EML1: variants seen among roughly 807,000 people sequenced by gnomAD.
The protein encoded by EML1 is echinoderm microtubule-associated protein-like 1.
Under a neutral mutation model 110.4 loss-of-function variants are expected in EML1, and 27 were observed. The observed-to-expected ratio is 0.24, with a 90% CI of 0.18 to 0.34. EML1 has a LOEUF of 0.34. EML1 is among the 10% of genes least tolerant of loss of function. The pLI, the probability that EML1 is intolerant of heterozygous loss-of-function variation, is 1.00. For synonymous variants in EML1, 344 were observed against 385.8 expected, an observed-to-expected ratio of 0.89 and a Z score of 1.27; for missense variants, 741 against 1,030.9, an observed-to-expected ratio of 0.72 and a Z score of 3.85.
exon 1 of EML1, chr14:99,737,807 C>A (rs1595219290): frequency 7.8e-7 from 1 of 1,289,156 alleles, no homozygotes; most frequent in East Asian, 5.6e-5. Flanking sequence ...AGGCTGGTGG[C>A]CAGCCGGCCG....
chr14:99,900,640 G>A (rs1351516010), intron 8 of EML1, among the ~76,000 whole-genome samples: 1 of 152,166 alleles, frequency 6.6e-6, no homozygotes, highest in East Asian at 1.9e-4. Context: ...ACATTTAGAT[G>A]CACAAATTAA....
chr14:99,778,101 G>C (rs945781413), intron 1 of EML1, among the ~76,000 whole-genome samples: 3 of 152,192 alleles, frequency 2.0e-5, no homozygotes, highest in Admixed American at 6.5e-5. Flanking sequence ...ATTTGAAAAG[G>C]TCTGGGCCAG....
At chr14:99,903,058 A>C (rs534949334) in intron 9 of EML1, among the ~76,000 whole-genome samples, 7 of 152,254 alleles carry the variant, frequency 4.6e-5, no homozygotes, top group African/African-American at 7.2e-5. Context: ...AATACTCACA[A>C]ATAGTTTCTA....
intron 1 of EML1, among the ~76,000 whole-genome samples, chr14:99,757,533 A>G (rs1022275568): frequency 3.9e-5 from 6 of 152,242 alleles, no homozygotes; most frequent in Non-Finnish European, 8.8e-5. Context: ...GTGCACACAC[A>G]GCAAGGCTTC....
intron 1 of EML1, among the ~76,000 whole-genome samples, chr14:99,776,666 G>A (rs1403512545): frequency 6.6e-6 from 1 of 152,156 alleles, no homozygotes; most frequent in Non-Finnish European, 1.5e-5. Context: ...CTCAGTATAT[G>A]CTACATAAGT....
rs181722537 is a variant in EML1, at chr14:99,816,267, G to A, written c.67+22724G>A. ...CAACCTCCACCTCCTGGGCTCAAGCGATTCTCCTGGCTCAGCCTCCTGAGT... is the reference window on the plus strand; with the variant it reads ...CAACCTCCACCTCCTGGGCTCAAGCAATTCTCCTGGCTCAGCCTCCTGAGT... On this transcript the variant is annotated intron_variant, in intron 1 of 21. Coordinates refer to ENST00000262233, the MANE Select transcript of EML1 (RefSeq NM_004434.3). Among the ~76,000 whole-genome samples, 6 of 152,268 alleles carry A rather than the reference G, an allele frequency of 3.9e-5. No individual in the cohort carries two copies. The East Asian group carries it at 5.8e-4, about 15-fold the overall frequency.
chr14:99,909,593 T>G (rs572089367), intron 11 of EML1, 114 bp downstream of exon 11: 1 of 1,358,702 alleles, frequency 7.4e-7, no homozygotes, highest in South Asian at 1.3e-5. Flanking sequence ...CCTCACATAG[T>G]TGGGAAGCGT....
chr14:99,753,608 T>C (rs1442684648), intron 1 of EML1, among the ~76,000 whole-genome samples: 2 of 152,102 alleles, frequency 1.3e-5, no homozygotes, highest in African/African-American at 4.8e-5. Flanking sequence ...GTAAGTAGCC[T>C]CCATCGCTCG....
At chr14:99,793,109 G>T (rs1271350079), upstream of EML1, among the ~76,000 whole-genome samples, 1 of 150,538 alleles carries the variant, frequency 6.6e-6, no homozygotes. Flanking sequence ...GCGCGGAGGC[G>T]GGGCCTGGCC....
At position 99,812,170 on chromosome 14, in the gene EML1, G is replaced by A. The variant is rs544620002; in HGVS notation, c.67+18627G>A. On this transcript the variant is annotated intron_variant, in intron 1 of 21. Coordinates refer to ENST00000262233, the MANE Select transcript of EML1 (RefSeq NM_004434.3). ...GCCTAGTTTAATAGGTGAACAGTACGTGTGTGTTGGAGTTTGTACAGTGGG... is the reference window on the plus strand; with the variant it reads ...GCCTAGTTTAATAGGTGAACAGTACATGTGTGTTGGAGTTTGTACAGTGGG... Among the ~76,000 whole-genome samples the A allele has an allele frequency of 2.6e-3, 395 of 152,006 alleles. 2 individuals carry two copies. Among genetic ancestry groups the A allele is most frequent in the African/African-American group, 9.2e-3 (381 of 41,522 alleles).
intron 13 of EML1, 71 bp downstream of exon 13, chr14:99,911,647 A>T: frequency 2.0e-6 from 3 of 1,519,472 alleles, no homozygotes; most frequent in Non-Finnish European, 2.7e-6. Context: ...ATTAGTTTGA[A>T]ATCTGTATCT....
intron 1 of EML1, chr14:99,839,005 G>A (rs1015250558): frequency 1.3e-5 from 2 of 151,932 alleles, no homozygotes; most frequent in East Asian, 3.9e-4. Context: ...TCCACAGGAT[G>A]TCTTTGTTGA....
At chr14:99,918,945 G>A (rs930884322) in intron 16 of EML1, among the ~76,000 whole-genome samples, 9 of 152,178 alleles carry the variant, frequency 5.9e-5, no homozygotes, top group African/African-American at 1.9e-4. Context: ...CCTACACACC[G>A]GATGGTGGGT....
intron 1 of EML1, among the ~76,000 whole-genome samples, chr14:99,818,994 C>T (rs1022951853): frequency 3.3e-5 from 5 of 152,138 alleles, no homozygotes; most frequent in African/African-American, 9.7e-5. Flanking sequence ...CGCTCTGTCA[C>T]CCACGCTTCA....
In EML1 at chr14:99,939,219, C is replaced by T. The variant is rs779436962; in HGVS notation, c.2214C>T (p.Asp738=). 8.1e-6 allele frequency: 13 copies of T among 1,614,032 alleles called. No homozygotes were observed. The African/African-American group carries it at 9.3e-5, about 12-fold the overall frequency. Residue 738 remains aspartate (D), a synonymous_variant, in exon 21 of 22, where the codon GAC becomes GAT. Coordinates refer to ENST00000262233, the MANE Select transcript of EML1 (RefSeq NM_004434.3). The surrounding 1 kb of genome is among the most constrained non-coding windows in gnomAD (Gnocchi z 4.2). ...TAGGAGTGTGGCCAGAAGGCTCGGA[C>T]GGAACCGACATCAATGCCGTCTGTC... ...HVFGVWPEGS[D]GTDINAVCRA...
At chr14:99,886,935 G>A (rs969845564) in intron 4 of EML1, among the ~76,000 whole-genome samples, 1 of 152,234 alleles carries the variant, frequency 6.6e-6, no homozygotes, top group African/African-American at 2.4e-5. Context: ...CCATCCCTGT[G>A]CCCAAAGTCC....
At chr14:99,886,193 GT>G (rs1479278910) in intron 4 of EML1, 1 of 231,718 alleles carries the variant, frequency 4.3e-6, no homozygotes, top group Non-Finnish European at 8.6e-6. Flanking sequence ...TTTAAAAGCA[GT>G]CATGTGGCTG....
rs1282482679 is a variant in EML1 at position 99,781,581 on chromosome 14, C to T, written c.-27+7568C>T. ...GTCCCACTAGTTTGTCTTCATGCTT[C>T]GTGTCCCCTGGCCCAGGTATGTGCA... On this transcript the variant is annotated intron_variant, in intron 1 of 22. Coordinates refer to the EML1 transcript ENST00000327921. The surrounding 1 kb of genome is among the most constrained non-coding windows in gnomAD (Gnocchi z 4.2). Among the ~76,000 whole-genome samples the T allele has an allele frequency of 2.0e-5, 3 of 152,194 alleles. No homozygotes were observed. Among genetic ancestry groups the T allele is most frequent in the Non-Finnish European group, 4.4e-5 (3 of 68,036 alleles).
At chr14:99,885,697 T>C (rs1427587510) in intron 4 of EML1, among the ~76,000 whole-genome samples, 2 of 152,240 alleles carry the variant, frequency 1.3e-5, no homozygotes, top group Admixed American at 6.5e-5. Flanking sequence ...ATTCTTCATA[T>C]TGTTTTAGTT....
Sources: gnomAD v4.1 joint callset for allele counts (sites outside exome capture counted in the v4.1 genomes callset) on GRCh38, gnomAD v4.1.1 for gene constraint, Gnocchi (gnomAD v3.1) non-coding constraint, MANE v1.5 for transcripts, NCBI Gene and HGNC (gene_info 2026-07-23, HGNC 2026-07-21) for gene names.